The following WWOX variants were observed in gnomAD, a reference collection of about 807,000 sequenced individuals.
WWOX encodes WW domain-containing oxidoreductase.
WWOX carries 69 observed loss-of-function variants against 46.2 expected under a neutral mutation model. The ratio of observed to expected loss-of-function variants is 1.49; its 90% CI spans 1.23 to 1.82. WWOX has a LOEUF of 1.82. Among genes scored for constraint, WWOX ranks in the 40% most tolerant of loss-of-function variants. The pLI is 0.00. For synonymous variants in WWOX, 359 were observed against 202.6 expected (o/e 1.77, Z -6.56); for missense variants, 919 against 542.6 (o/e 1.69, Z -6.89).
chr16:78,967,157 C>T (rs927868792), intron 8 of WWOX, among the ~76,000 whole-genome samples: 1 of 152,060 alleles, frequency 6.6e-6, no homozygotes, highest in Non-Finnish European at 1.5e-5. Context: ...TTACCTGCCT[C>T]TCTGAGAAGC....
intron 8 of WWOX, among the ~76,000 whole-genome samples, chr16:79,068,626 C>T (rs973346550): frequency 6.6e-6 from 1 of 151,118 alleles, no homozygotes; most frequent in African/African-American, 2.4e-5. Context: ...ATGGTGAGAC[C>T]CCCATCTCTA....
At chr16:78,688,428 C>G (rs949468322) in intron 8 of WWOX, among the ~76,000 whole-genome samples, 19 of 151,122 alleles carry the variant, frequency 1.3e-4, no homozygotes, top group Non-Finnish European at 2.4e-4. Context: ...TGCACTAAGT[C>G]TCATTCACTT....
chr16:78,253,906 C>A (rs1210068594), intron 5 of WWOX, among the ~76,000 whole-genome samples: 1 of 152,054 alleles, frequency 6.6e-6, no homozygotes, highest in African/African-American at 2.4e-5. Context: ...CCTCGCATTC[C>A]CCTGGTACAA....
intron 5 of WWOX, among the ~76,000 whole-genome samples, chr16:78,237,073 CAAA>C (rs35866443): frequency 3.7e-5 from 3 of 80,812 alleles, no homozygotes; most frequent in Admixed American, 1.5e-4. Context: ...GACTCCGTCT[CAAA>C]AAAAAAAAAA....
At chr16:78,834,998 C>T (rs781541173) in intron 8 of WWOX, among the ~76,000 whole-genome samples, 1 of 152,106 alleles carries the variant, frequency 6.6e-6, no homozygotes, top group Non-Finnish European at 1.5e-5. Context: ...ACTGTATTTC[C>T]AGTCTTCTTT....
rs943103764 is a variant in WWOX, at chr16:78,952,261, G to A, written c.1057-259347G>A. On this transcript the variant is annotated intron_variant, in intron 8 of 8. Transcript: ENST00000566780. ...TTTATATTTCAACTCAGTGGTCACTGTCTCTAGGAAGCCTTCCATGACTGC... is the reference window on the plus strand; with the variant it reads ...TTTATATTTCAACTCAGTGGTCACTATCTCTAGGAAGCCTTCCATGACTGC... Among the ~76,000 whole-genome samples the A allele has an allele frequency of 2.6e-5, 4 of 151,958 alleles. No individual in the cohort carries two copies. In the East Asian group the frequency reaches 7.7e-4, roughly 29 times the overall value.
At chr16:78,602,699 T>C (rs73581102) in intron 8 of WWOX, among the ~76,000 whole-genome samples, 2,198 of 152,296 alleles carry the variant, frequency 0.014, 51 homozygotes, top group African/African-American at 0.048. Context: ...ATAGTGAAAA[T>C]AACAATAAAT....
intron 4 of WWOX, among the ~76,000 whole-genome samples, chr16:78,139,570 A>G (rs1261226372): frequency 1.3e-5 from 2 of 152,126 alleles, no homozygotes; most frequent in Non-Finnish European, 2.9e-5. Flanking sequence ...GCTTGAACCC[A>G]GGAGGCGGAG....
chr16:78,745,418 T>C (rs2049325455), intron 8 of WWOX, among the ~76,000 whole-genome samples: 2 of 152,186 alleles, frequency 1.3e-5, no homozygotes, highest in South Asian at 4.2e-4. Flanking sequence ...CCCTGTGTCA[T>C]GCCTGTTATT....
chr16:78,715,098 T>C (rs1369010799), intron 8 of WWOX, among the ~76,000 whole-genome samples: 1 of 147,610 alleles, frequency 6.8e-6, no homozygotes, highest in African/African-American at 2.4e-5. Context: ...CTGGGCCACA[T>C]AGTGAGACCC....
intron 8 of WWOX, among the ~76,000 whole-genome samples, chr16:78,456,903 G>C (rs1277341584): frequency 2.0e-5 from 3 of 152,202 alleles, no homozygotes; most frequent in African/African-American, 7.2e-5. Context: ...AGTTCACGTG[G>C]CGTTGGCTGA....
intron 5 of WWOX, among the ~76,000 whole-genome samples, chr16:78,314,423 A>G (rs140380138): frequency 2.8e-4 from 41 of 144,032 alleles, no homozygotes; most frequent in African/African-American, 9.4e-4. Context: ...AAAAAAAAAA[A>G]GTACAGGACA....
At position 78,334,834 on chromosome 16, in the gene WWOX, A is replaced by G. The variant is rs1423110378; in HGVS notation, c.517-52026A>G. Among the ~76,000 whole-genome samples, 14 of 7,778 alleles carry G rather than the reference A, an allele frequency of 1.8e-3. No individual in the cohort carries two copies. In the South Asian group the frequency reaches 0.021, roughly 12 times the overall value. The allele number at this position is 7,778 out of a possible 152,430, so 5.1% of individuals were successfully genotyped here. ...CACACACACACACACACACACACATACACACACACACACACACACACAAAA... is the reference window on the plus strand; with the variant it reads ...CACACACACACACACACACACACATGCACACACACACACACACACACAAAA... On this transcript the variant is annotated intron_variant, in intron 5 of 8. Coordinates refer to ENST00000566780, the MANE Select transcript of WWOX (RefSeq NM_016373.4).
At chr16:78,705,285 C>T (rs1412942432) in intron 8 of WWOX, among the ~76,000 whole-genome samples, 1 of 152,056 alleles carries the variant, frequency 6.6e-6, no homozygotes, top group Non-Finnish European at 1.5e-5. Flanking sequence ...GTTGTCCTGC[C>T]CAGTACTTTA....
intron 8 of WWOX, among the ~76,000 whole-genome samples, chr16:79,196,955 T>G (rs954160973): frequency 7.2e-5 from 11 of 152,162 alleles, no homozygotes; most frequent in African/African-American, 2.7e-4. Context: ...TCCTCATCTC[T>G]GAAATGGGGT....
intron 8 of WWOX, among the ~76,000 whole-genome samples, chr16:78,859,027 A>AATATAT (rs1555551611): frequency 0.023 from 546 of 23,454 alleles, 10 homozygotes; most frequent in Middle Eastern, 0.062. Context: ...AAAAAAAAAA[A>AATATAT]ATATATATAT....
At chr16:78,272,084 AT>A (rs1215989092) in intron 5 of WWOX, among the ~76,000 whole-genome samples, 2 of 152,196 alleles carry the variant, frequency 1.3e-5, no homozygotes, top group African/African-American at 4.8e-5. Context: ...CGCATAATAC[AT>A]TACCCCAAAA....
chr16:78,447,053 T>C (rs1471111236), intron 8 of WWOX, among the ~76,000 whole-genome samples: 2 of 152,336 alleles, frequency 1.3e-5, no homozygotes, highest in East Asian at 3.9e-4. Flanking sequence ...TGCTTCTCTG[T>C]ACTCTGTCCT....
At chr16:79,048,884 C>T (rs1311431668) in intron 8 of WWOX, among the ~76,000 whole-genome samples, 2 of 152,058 alleles carry the variant, frequency 1.3e-5, no homozygotes, top group African/African-American at 4.8e-5. Context: ...TACCACCATC[C>T]CCAGAGTGAC....
Sources: gnomAD v4.1 joint callset for allele counts (sites outside exome capture counted in the v4.1 genomes callset) on GRCh38, gnomAD v4.1.1 for gene constraint, MANE v1.5 for transcripts, NCBI Gene and HGNC (gene_info 2026-07-23, HGNC 2026-07-21) for gene names.